Variants in SGCZ observed in about 807,000 individuals in gnomAD.
SGCZ encodes the protein sarcoglycan zeta.
SGCZ carries 40 observed loss-of-function variants against 41.3 expected under a neutral mutation model. The observed-to-expected ratio is 0.97, with a 90% CI of 0.75 to 1.26. The LOEUF is 1.26. Among genes scored for constraint, SGCZ ranks in the 50% most tolerant of loss-of-function variants. SGCZ has a pLI of 0.00. For synonymous variants in SGCZ, 206 were observed against 137.5 expected (o/e 1.50, Z -3.49); for missense variants, 552 against 369.8 (o/e 1.49, Z -4.04).
At chr8:14,529,111 T>C (rs1803046974) in intron 2 of SGCZ, among the ~76,000 whole-genome samples, 1 of 152,144 alleles carries the variant, frequency 6.6e-6, no homozygotes. Context: ...TATAAAGAAA[T>C]ATTAAGTCCA....
At chr8:14,761,853 A>C (rs1463625184) in intron 1 of SGCZ, among the ~76,000 whole-genome samples, 1 of 152,032 alleles carries the variant, frequency 6.6e-6, no homozygotes, top group African/African-American at 2.4e-5. Flanking sequence ...GATGTTTCTA[A>C]TCTAGATAAG....
chr8:14,382,441 C>T (rs1563292969), intron 2 of SGCZ, among the ~76,000 whole-genome samples: 1 of 151,896 alleles, frequency 6.6e-6, no homozygotes, highest in Non-Finnish European at 1.5e-5. Flanking sequence ...AATACCATAT[C>T]ACAGAACATA....
intron 1 of SGCZ, among the ~76,000 whole-genome samples, chr8:15,096,886 C>G (rs1337828582): frequency 6.6e-6 from 1 of 151,942 alleles, no homozygotes; most frequent in African/African-American, 2.4e-5. Context: ...GGGGTTTCAC[C>G]GTGTTAGCCA....
intron 1 of SGCZ, among the ~76,000 whole-genome samples, chr8:14,889,933 G>A (rs1441631199): frequency 6.6e-6 from 1 of 152,092 alleles, no homozygotes; most frequent in Non-Finnish European, 1.5e-5. Flanking sequence ...GCCTTATGAG[G>A]AAGACCTGTT....
intron 1 of SGCZ, among the ~76,000 whole-genome samples, chr8:14,610,601 G>C (rs1353715741): frequency 1.3e-5 from 2 of 152,066 alleles, no homozygotes; most frequent in East Asian, 3.9e-4. Context: ...TTAATTCTCA[G>C]AGTCAGCTTG....
chr8:14,756,438 G>A (rs1179750881), intron 1 of SGCZ, among the ~76,000 whole-genome samples: 1 of 152,124 alleles, frequency 6.6e-6, no homozygotes, highest in Non-Finnish European at 1.5e-5. Context: ...GCCCATCTGG[G>A]CCTCCCAAAG....
intron 2 of SGCZ, among the ~76,000 whole-genome samples, chr8:14,361,530 G>C (rs1379515568): frequency 6.6e-6 from 1 of 152,192 alleles, no homozygotes; most frequent in Non-Finnish European, 1.5e-5. Flanking sequence ...TCAGCTTCAA[G>C]AGGTCATTTA....
At chr8:14,357,050 T>A (rs1803322925) in intron 2 of SGCZ, among the ~76,000 whole-genome samples, 1 of 152,072 alleles carries the variant, frequency 6.6e-6, no homozygotes, top group Admixed American at 6.6e-5. Flanking sequence ...TGAACTAAAA[T>A]ATTTTATGCA....
intron 2 of SGCZ, among the ~76,000 whole-genome samples, chr8:14,347,644 A>G (rs1014555255): frequency 6.6e-6 from 1 of 151,570 alleles, no homozygotes; most frequent in Non-Finnish European, 1.5e-5. Context: ...ACATATACAC[A>G]TAGGTAAATC....
chr8:14,630,286 C>G (rs1484443566), intron 1 of SGCZ, among the ~76,000 whole-genome samples: 1 of 151,274 alleles, frequency 6.6e-6, no homozygotes, highest in Non-Finnish European at 1.5e-5. Context: ...TATGTCTGCT[C>G]TGTGGAAAAA....
intron 1 of SGCZ, among the ~76,000 whole-genome samples, chr8:14,908,543 A>C (rs752769511): frequency 4.7e-4 from 71 of 152,150 alleles, no homozygotes; most frequent in Non-Finnish European, 7.8e-4. Context: ...CGAGATCAGC[A>C]GTTCGAGACC....
chr8:14,361,521 CA>C (rs1392385342), intron 2 of SGCZ, among the ~76,000 whole-genome samples: 1 of 152,148 alleles, frequency 6.6e-6, no homozygotes, highest in African/African-American at 2.4e-5. Context: ...CTGTGGTTTT[CA>C]GCTTCAAGAG....
In SGCZ at chr8:14,834,823, G is replaced by C. The variant is rs1435309013; in HGVS notation, c.40-279897C>G. 8.5e-5 allele frequency among the ~76,000 whole-genome samples: 13 copies of C among 152,178 alleles called. No homozygotes were observed. In the East Asian group the frequency reaches 2.3e-3, roughly 27 times the overall value. ...TTTGTGATCAAGGGACTCGGATACT[G>C]ATTTAATCTCTGCAGGAGCTTGAGC... On this transcript the variant is annotated intron_variant, in intron 1 of 7. Transcript: ENST00000382080.
chr8:14,541,646 C>T (rs1322663949), intron 2 of SGCZ, among the ~76,000 whole-genome samples: 2 of 151,970 alleles, frequency 1.3e-5, no homozygotes, highest in African/African-American at 2.4e-5. Flanking sequence ...GGTATATGCC[C>T]AATAATGGAA....
At chr8:15,096,768 C>T (rs1352233096) in intron 1 of SGCZ, among the ~76,000 whole-genome samples, 1 of 152,086 alleles carries the variant, frequency 6.6e-6, no homozygotes, top group Non-Finnish European at 1.5e-5. Context: ...TCACTGTAAC[C>T]TCCACCTCCA....
intron 2 of SGCZ, among the ~76,000 whole-genome samples, chr8:14,526,370 C>T (rs1802950353): frequency 6.6e-6 from 1 of 152,054 alleles, no homozygotes; most frequent in South Asian, 2.1e-4. Flanking sequence ...TTGATGACAG[C>T]CGTCCCAAAG....
intron 1 of SGCZ, among the ~76,000 whole-genome samples, chr8:14,825,400 A>T (rs1223410362): frequency 6.6e-6 from 1 of 152,192 alleles, no homozygotes; most frequent in Admixed American, 6.5e-5. Flanking sequence ...GAACTTACTG[A>T]AGAACTCAAA....
At chr8:14,381,577 A>C (rs28459298) in intron 2 of SGCZ, among the ~76,000 whole-genome samples, 11,586 of 151,772 alleles carry the variant, frequency 0.076, 796 homozygotes, top group African/African-American at 0.18. Flanking sequence ...GAGTCTGAGA[A>C]CAGCCTGGGC....
intron 3 of SGCZ, among the ~76,000 whole-genome samples, chr8:14,288,106 A>G (rs1703855704): frequency 6.6e-6 from 1 of 152,114 alleles, no homozygotes. Context: ...CCCATGAATA[A>G]GAATTGAAGA....
Sources: allele counts gnomAD v4.1 joint callset (sites outside exome capture counted in the v4.1 genomes callset), GRCh38; gene constraint gnomAD v4.1.1; transcripts MANE v1.5; gene names NCBI Gene and HGNC (gene_info 2026-07-23, HGNC 2026-07-21).